CNTN5: variants seen among roughly 807,000 people sequenced by gnomAD.
The protein encoded by CNTN5 is contactin 5.
A neutral mutation model predicts 129.1 loss-of-function variants in CNTN5; 77 were observed. That is an observed-to-expected ratio of 0.60 (90% confidence interval 0.50 to 0.72). CNTN5 has a LOEUF of 0.72. CNTN5 is among the 30% of genes least tolerant of loss of function. The pLI, the probability that CNTN5 is intolerant of heterozygous loss-of-function variation, is 0.00. For synonymous variants in CNTN5, 509 were observed against 465.6 expected, an observed-to-expected ratio of 1.09 and a Z score of -1.20; for missense variants, 1,478 against 1,328.8, an observed-to-expected ratio of 1.11 and a Z score of -1.75.
chr11:99,898,103 A>G (rs1321588686), intron 6 of CNTN5, among the ~76,000 whole-genome samples: 1 of 152,076 alleles, frequency 6.6e-6, no homozygotes, highest in Admixed American at 6.6e-5. Context: ...TATAGCATTA[A>G]ATGCCTACAT....
intron 3 of CNTN5, among the ~76,000 whole-genome samples, chr11:99,599,382 G>T (rs1325601635): frequency 6.6e-6 from 1 of 151,782 alleles, no homozygotes; most frequent in East Asian, 1.9e-4. Context: ...ATTTAGAAAT[G>T]GATTTTAACT....
chr11:100,063,388 A>G (rs1415587910), intron 10 of CNTN5, among the ~76,000 whole-genome samples: 2 of 152,038 alleles, frequency 1.3e-5, no homozygotes, highest in African/African-American at 2.4e-5. Flanking sequence ...TAGAAAAAAA[A>G]AAAAATCTAG....
intron 3 of CNTN5, among the ~76,000 whole-genome samples, chr11:99,609,884 G>A (rs770846054): frequency 1.3e-5 from 2 of 152,008 alleles, no homozygotes; most frequent in Non-Finnish European, 2.9e-5. Context: ...TTTTTCTTAG[G>A]GTTGTTAGAA....
chr11:99,816,332 T>C (rs994211807), intron 3 of CNTN5, among the ~76,000 whole-genome samples: 1 of 152,176 alleles, frequency 6.6e-6, no homozygotes, highest in Non-Finnish European at 1.5e-5. Flanking sequence ...TCAATAACCA[T>C]CTATTTGGTT....
At chr11:100,321,120 A>G (rs1245820452) in intron 21 of CNTN5, among the ~76,000 whole-genome samples, 5 of 152,080 alleles carry the variant, frequency 3.3e-5, no homozygotes, top group Non-Finnish European at 5.9e-5. Context: ...TGATAGTACA[A>G]TGACTCTATA....
intron 18 of CNTN5, among the ~76,000 whole-genome samples, chr11:100,296,271 C>T (rs775516587): frequency 7.3e-5 from 11 of 151,540 alleles, no homozygotes; most frequent in Non-Finnish European, 1.3e-4. Flanking sequence ...ACTACTAATA[C>T]GTAACTCAAT....
At chr11:99,412,567 G>T (rs965496514) in intron 2 of CNTN5, among the ~76,000 whole-genome samples, 1 of 152,072 alleles carries the variant, frequency 6.6e-6, no homozygotes, top group African/African-American at 2.4e-5. Flanking sequence ...CAGCTACTCT[G>T]TTAATAATTG....
At chr11:99,886,046 A>T (rs1312345000) in intron 6 of CNTN5, among the ~76,000 whole-genome samples, 2 of 152,132 alleles carry the variant, frequency 1.3e-5, no homozygotes, top group East Asian at 3.8e-4. Context: ...TATCTACATT[A>T]AAAAATTAAG....
intron 20 of CNTN5, among the ~76,000 whole-genome samples, chr11:100,302,403 G>A (rs1367717576): frequency 6.6e-6 from 1 of 151,514 alleles, no homozygotes; most frequent in African/African-American, 2.4e-5. Context: ...TTCTCCAAAA[G>A]ACAAATCCTG....
Position 99,834,340 on chromosome 11 carries a change from C to G in CNTN5, c.278-10512C>G, listed in dbSNP as rs1947236499. 3.3e-5 allele frequency among the ~76,000 whole-genome samples: 5 copies of G among 152,196 alleles called. No individual in the cohort carries two copies. In the South Asian group the frequency reaches 8.3e-4, roughly 25 times the overall value. On this transcript the variant is annotated intron_variant, in intron 4 of 24. Coordinates refer to ENST00000524871, the MANE Select transcript of CNTN5 (RefSeq NM_014361.4). The stretch of plus-strand genomic sequence containing the variant: ...ATGTTGTCTATTATAATTCTGAAAA[C>G]TTACATATTGAAAATTTATTGAATT...
chr11:99,140,654 T>G (rs1179746225), intron 1 of CNTN5, among the ~76,000 whole-genome samples: 2 of 152,086 alleles, frequency 1.3e-5, no homozygotes, highest in African/African-American at 4.8e-5. Context: ...CTTATTATTT[T>G]GATGTAGGTT....
chr11:99,034,466 A>G (rs1022374701), intron 1 of CNTN5, among the ~76,000 whole-genome samples: 1 of 151,710 alleles, frequency 6.6e-6, no homozygotes, highest in Admixed American at 6.6e-5. Context: ...TGGTCTATTC[A>G]GAGATTCAAC....
In CNTN5 at chr11:99,719,767, AT is replaced by A. The variant is rs1407824377; in HGVS notation, c.56-99776del. ...ATTCGTGAGTTGTTTTTTGAAAAAA[AT>A]AATAGGCCACTAGCTAAACTAATTG... On this transcript the variant is annotated intron_variant, in intron 3 of 24. Transcript: ENST00000524871. 5.3e-5 allele frequency among the ~76,000 whole-genome samples: 8 copies of A among 152,022 alleles called. No homozygotes were observed. In the East Asian group the frequency reaches 1.5e-3, roughly 29 times the overall value.
intron 9 of CNTN5, among the ~76,000 whole-genome samples, chr11:100,008,985 A>G (rs1168373887): frequency 1.3e-5 from 2 of 152,270 alleles, no homozygotes; most frequent in East Asian, 1.9e-4. Flanking sequence ...TAGTGCAGCT[A>G]TAATGCACAG....
intron 13 of CNTN5, among the ~76,000 whole-genome samples, chr11:100,149,524 A>G (rs1374359629): frequency 1.3e-4 from 20 of 152,206 alleles, no homozygotes; most frequent in Non-Finnish European, 1.5e-4. Flanking sequence ...AATTATATTT[A>G]TTGAATTATT....
intron 7 of CNTN5, among the ~76,000 whole-genome samples, chr11:99,939,620 A>G (rs932285202): frequency 7.5e-6 from 1 of 133,944 alleles, no homozygotes; most frequent in African/African-American, 2.5e-5. Flanking sequence ...TCAACCAAAT[A>G]TTTATTTTTT....
chr11:99,347,956 A>T (rs1269721701), intron 2 of CNTN5, among the ~76,000 whole-genome samples: 1 of 152,210 alleles, frequency 6.6e-6, no homozygotes, highest in Non-Finnish European at 1.5e-5. Flanking sequence ...TCAGTTTTTG[A>T]ACAAATGCAT....
chr11:99,884,860 C>T (rs971255858), intron 6 of CNTN5, among the ~76,000 whole-genome samples: 1 of 152,054 alleles, frequency 6.6e-6, no homozygotes, highest in African/African-American at 2.4e-5. Flanking sequence ...GCTTGTAGTC[C>T]CAGCTACTCG....
intron 1 of CNTN5, among the ~76,000 whole-genome samples, chr11:99,269,619 T>TA (rs1239553211): frequency 5.3e-5 from 8 of 151,908 alleles, no homozygotes; most frequent in African/African-American, 1.9e-4. Context: ...TGTCCAGAGA[T>TA]ATCTTATATT....
Sources: gnomAD v4.1 joint callset for allele counts (sites outside exome capture counted in the v4.1 genomes callset) on GRCh38, gnomAD v4.1.1 for gene constraint, MANE v1.5 for transcripts, NCBI Gene and HGNC (gene_info 2026-07-23, HGNC 2026-07-21) for gene names.